The following GPHN variants were observed in gnomAD, a reference collection of about 807,000 sequenced individuals.
GPHN encodes the protein gephyrin.
Under a neutral mutation model 95.5 loss-of-function variants are expected in GPHN, and 17 were observed. The observed-to-expected ratio is 0.18, with a 90% CI of 0.12 to 0.27. The LOEUF (loss-of-function observed/expected upper bound fraction) is 0.27. Ranked by LOEUF, GPHN falls within the 10% of genes least tolerant of loss-of-function variation. GPHN has a pLI of 1.00. For synonymous variants in GPHN, 320 were observed against 322.5 expected, an observed-to-expected ratio of 0.99 and a Z score of 0.08; for missense variants, 660 against 978.1, an observed-to-expected ratio of 0.67 and a Z score of 4.34.
At chr14:67,321,550 A>G in the GPHN span, among the ~76,000 whole-genome samples, 6 of 152,206 alleles carry the variant, frequency 3.9e-5, no homozygotes, top group Non-Finnish European at 7.3e-5. Context: ...ATATTTGCAT[A>G]TATATAATGA....
chr14:67,011,558 A>G (rs2073006376), intron 9 of GPHN, among the ~76,000 whole-genome samples: 1 of 128,402 alleles, frequency 7.8e-6, no homozygotes, highest in Admixed American at 8.7e-5. Flanking sequence ...TGGACAGTAG[A>G]GTGAGACCTT....
At chr14:66,835,545 A>T (rs935731902) in intron 4 of GPHN, among the ~76,000 whole-genome samples, 1 of 151,656 alleles carries the variant, frequency 6.6e-6, no homozygotes, top group African/African-American at 2.4e-5. Flanking sequence ...CAAGACAGGG[A>T]TGCCCTCTCT....
chr14:67,266,204 C>A, the GPHN span, among the ~76,000 whole-genome samples: 1 of 152,032 alleles, frequency 6.6e-6, no homozygotes, highest in African/African-American at 2.4e-5. Context: ...ATTTAAAAGT[C>A]TTTTTAGTTC....
the GPHN span, among the ~76,000 whole-genome samples, chr14:67,295,489 C>CAA: frequency 1.0e-3 from 113 of 113,226 alleles, no homozygotes; most frequent in African/African-American, 2.3e-3. Flanking sequence ...GACCCTGTCT[C>CAA]AAAAAAAAAA....
At chr14:67,333,342 G>A in the GPHN span, 2 of 157,884 alleles carry the variant, frequency 1.3e-5, no homozygotes, top group Admixed American at 6.3e-5. Context: ...ATTCTTAAGT[G>A]TTAAATCATT....
intron 1 of GPHN, among the ~76,000 whole-genome samples, chr14:66,673,897 A>G (rs888809466): frequency 2.6e-5 from 4 of 152,168 alleles, no homozygotes; most frequent in African/African-American, 9.7e-5. Context: ...TAGTCTACAG[A>G]GTGATATTTC....
chr14:67,439,561 CT>C, the GPHN span, among the ~76,000 whole-genome samples: 1 of 138,054 alleles, frequency 7.2e-6, no homozygotes, highest in East Asian at 2.1e-4. Flanking sequence ...TTCTTTCTTT[CT>C]TTCTTTCTTT....
chr14:66,693,440 GTAGA>G (rs2153408861), intron 2 of GPHN, among the ~76,000 whole-genome samples: 1 of 152,234 alleles, frequency 6.6e-6, no homozygotes, highest in African/African-American at 2.4e-5. Flanking sequence ...AGATAGATAG[GTAGA>G]TACATACATA....
chr14:67,260,024 G>C, the GPHN span, among the ~76,000 whole-genome samples: 1 of 152,084 alleles, frequency 6.6e-6, no homozygotes, highest in Non-Finnish European at 1.5e-5. Flanking sequence ...CCAGGAGAGA[G>C]ATTTAAACAG....
At chr14:67,225,066 C>T in the GPHN span, 2 of 1,477,896 alleles carry the variant, frequency 1.4e-6, no homozygotes, top group Non-Finnish European at 1.8e-6. Flanking sequence ...CTCACTTCCT[C>T]TCTATTGATC....
At chr14:66,770,100 A>G (rs147122390) in intron 2 of GPHN, among the ~76,000 whole-genome samples, 1 of 152,108 alleles carries the variant, frequency 6.6e-6, no homozygotes, top group East Asian at 1.9e-4. Flanking sequence ...GCTTTTTCTC[A>G]TGATTGTTGG....
intron 2 of GPHN, among the ~76,000 whole-genome samples, chr14:66,747,809 C>T (rs897556780): frequency 2.6e-5 from 4 of 151,964 alleles, no homozygotes; most frequent in African/African-American, 7.2e-5. Flanking sequence ...ATTTGTTCAG[C>T]AGGTTAAAAG....
chr14:66,761,686 G>T (rs1399467295), intron 2 of GPHN, among the ~76,000 whole-genome samples: 2 of 148,302 alleles, frequency 1.3e-5, no homozygotes, highest in Admixed American at 6.7e-5. Context: ...TTGAGATGGA[G>T]TCTCTTTCTG....
At chr14:67,493,930 G>A in the GPHN span, among the ~76,000 whole-genome samples, 2 of 151,970 alleles carry the variant, frequency 1.3e-5, no homozygotes, top group African/African-American at 4.8e-5. Flanking sequence ...GATGAGAGTT[G>A]TTCTGGGGAA....
chr14:67,597,939 G>C, the GPHN span, among the ~76,000 whole-genome samples: 119,701 of 152,010 alleles, frequency 0.79, 47,285 homozygotes, highest in Middle Eastern at 0.85. Context: ...ATAGAACTGT[G>C]AACTCAAAAA....
the GPHN span, among the ~76,000 whole-genome samples, chr14:67,426,175 C>T: frequency 6.6e-6 from 1 of 152,218 alleles, no homozygotes; most frequent in South Asian, 2.1e-4. Context: ...TCTCAGATTA[C>T]CTTTTCCTGC....
intron 1 of GPHN, among the ~76,000 whole-genome samples, chr14:66,600,173 G>T (rs2062166274): frequency 2.0e-5 from 3 of 151,906 alleles, no homozygotes; most frequent in South Asian, 2.1e-4. Context: ...GTGCAGTTTT[G>T]TGAAGTTTTG....
chr14:66,902,627 T>G (rs2065176145), intron 5 of GPHN, among the ~76,000 whole-genome samples: 1 of 152,114 alleles, frequency 6.6e-6, no homozygotes, highest in Non-Finnish European at 1.5e-5. Flanking sequence ...GAAATAATCA[T>G]AGGGTCTTTA....
intron 1 of GPHN, among the ~76,000 whole-genome samples, chr14:66,535,005 T>C (rs1340583447): frequency 5.3e-5 from 8 of 152,126 alleles, no homozygotes; most frequent in African/African-American, 1.9e-4. Flanking sequence ...TCAAGTTTGC[T>C]TTTTATGGTT....
Sources: allele counts gnomAD v4.1 joint callset (sites outside exome capture counted in the v4.1 genomes callset), GRCh38; gene constraint gnomAD v4.1.1; transcripts MANE v1.5; gene names NCBI Gene and HGNC (gene_info 2026-07-23, HGNC 2026-07-21).